KIF26B: variants seen among roughly 807,000 people sequenced by gnomAD.
The protein encoded by KIF26B is kinesin-like protein KIF26B.
Under a neutral mutation model 151.2 loss-of-function variants are expected in KIF26B, and 63 were observed. The observed-to-expected ratio is 0.42, with a 90% confidence interval of 0.34 to 0.51. KIF26B has a LOEUF of 0.51. Among genes scored for constraint, KIF26B ranks in the 20% least tolerant of loss-of-function variants. The pLI, the probability that KIF26B is intolerant of heterozygous loss-of-function variation, is 0.07. For synonymous variants in KIF26B, 1,357 were observed against 1,262.1 expected (o/e 1.08, Z -1.59); for missense variants, 2,813 against 2,913.6 (o/e 0.97, Z 0.79).
chr1:245,517,921 G>A (rs970874348), intron 4 of KIF26B, among the ~76,000 whole-genome samples: 5 of 149,020 alleles, frequency 3.4e-5, no homozygotes, highest in African/African-American at 7.5e-5. Flanking sequence ...CGCGCAGGCC[G>A]GAGTGCAGTG....
intron 2 of KIF26B, among the ~76,000 whole-genome samples, chr1:245,164,155 G>A (rs1335561459): frequency 6.6e-6 from 1 of 152,064 alleles, no homozygotes; most frequent in African/African-American, 2.4e-5. Context: ...GTTTTATTAG[G>A]AATGGGTATT....
At chr1:245,309,376 T>A (rs2102981563) in intron 2 of KIF26B, among the ~76,000 whole-genome samples, 1 of 152,232 alleles carries the variant, frequency 6.6e-6, no homozygotes, top group South Asian at 2.1e-4. Context: ...GGCCTTCCCG[T>A]GAGTCAGATG....
In KIF26B at chr1:245,516,190, T is replaced by C. The variant is rs1660958552; in HGVS notation, c.1167-24577T>C. Among the ~76,000 whole-genome samples the C allele has an allele frequency of 6.6e-6, 1 of 152,220 alleles. No individual in the cohort carries two copies. Among genetic ancestry groups the C allele is most frequent in the Admixed American group, 6.5e-5 (1 of 15,284 alleles). On this transcript the variant is annotated intron_variant, in intron 4 of 14. Coordinates refer to ENST00000407071, the MANE Select transcript of KIF26B (RefSeq NM_018012.4). This position sits in a 1 kb window ranked among gnomAD's most constrained non-coding sequence, Gnocchi z 4.2. Reference sequence around the variant, plus strand: ...TGCAGGCCATATCTGGATTTATCCTTTTTATCAGCAGAATGGTACATTTCC... The same window carrying C: ...TGCAGGCCATATCTGGATTTATCCTCTTTATCAGCAGAATGGTACATTTCC...
intron 4 of KIF26B, among the ~76,000 whole-genome samples, chr1:245,424,778 A>AG (rs113011463): frequency 0.12 from 18,919 of 152,130 alleles, 1,504 homozygotes; most frequent in African/African-American, 0.22. Context: ...TAAAAGAAAA[A>AG]TTGGTCCTTC....
At chr1:245,458,344 C>T (rs1016417564) in intron 4 of KIF26B, among the ~76,000 whole-genome samples, 7 of 152,274 alleles carry the variant, frequency 4.6e-5, no homozygotes, top group African/African-American at 7.2e-5. Flanking sequence ...TCCAACAAAC[C>T]GAAGCAGCCT....
chr1:245,233,428 G>A (rs990783852), intron 2 of KIF26B, among the ~76,000 whole-genome samples: 2 of 152,122 alleles, frequency 1.3e-5, no homozygotes, highest in South Asian at 4.1e-4. Flanking sequence ...TACTCAAAGC[G>A]TGACCTGAGG....
Position 245,684,320 on chromosome 1 carries a change from C to T in KIF26B, c.2346C>T (p.Val782=), listed in dbSNP as rs61831276. The change falls in exon 11 of 15, where the codon GTC becomes GTT. Residue 782 remains valine (V), a synonymous_variant. Coordinates refer to ENST00000407071, the MANE Select transcript of KIF26B (RefSeq NM_018012.4). ...TGATCGCGCACATCTCGGCCGCGGTCGGGAGCTACGCGGAGACCCTGTCCA... is the reference window on the plus strand; with the variant it reads ...TGATCGCGCACATCTCGGCCGCGGTTGGGAGCTACGCGGAGACCCTGTCCA... ...TTMIAHISAA[V]GSYAETLSTI... 0.026 allele frequency: 41,621 copies of T among 1,613,790 alleles called. 825 individuals are homozygous for T. Among genetic ancestry groups the T allele is most frequent in the South Asian group, 0.064 (5,849 of 91,046 alleles).
intron 3 of KIF26B, among the ~76,000 whole-genome samples, chr1:245,403,059 C>T (rs1674045120): frequency 6.6e-6 from 1 of 152,172 alleles, no homozygotes; most frequent in Non-Finnish European, 1.5e-5. Context: ...GCCTTGAACT[C>T]CTGGGCTCAA....
In KIF26B at chr1:245,196,454, G is replaced by A. The variant is rs115172180; in HGVS notation, c.465+39771G>A. 5.6e-3 allele frequency among the ~76,000 whole-genome samples: 859 copies of A among 152,226 alleles called. 8 individuals are homozygous for A. The highest frequency in any genetic ancestry group is 0.018 in the African/African-American group (758 of 41,522). ...CTCAAAGCCCTTCCCTGGCTCTCCTGTTGAATGGTGACCTGGGTGTAAATG... is the reference window on the plus strand; with the variant it reads ...CTCAAAGCCCTTCCCTGGCTCTCCTATTGAATGGTGACCTGGGTGTAAATG... On this transcript the variant is annotated intron_variant, in intron 2 of 14. Transcript: ENST00000407071.
At chr1:245,626,280 G>A (rs1618305) in intron 9 of KIF26B, among the ~76,000 whole-genome samples, 1 of 151,982 alleles carries the variant, frequency 6.6e-6, no homozygotes, top group Non-Finnish European at 1.5e-5. Context: ...GGTAGTTCTC[G>A]TTTTAGTTTT....
rs973630031 is a variant in KIF26B, at chr1:245,560,046, G to A, written c.1350+19096G>A. 2.6e-5 allele frequency among the ~76,000 whole-genome samples: 4 copies of A among 152,208 alleles called. No individual in the cohort carries two copies. The highest frequency in any genetic ancestry group is 4.8e-5 in the African/African-American group (2 of 41,536). On this transcript the variant is annotated intron_variant, in intron 5 of 14. Transcript: ENST00000407071. The surrounding 1 kb of genome is among the most constrained non-coding windows in gnomAD (Gnocchi z 4.3). The stretch of plus-strand genomic sequence containing the variant: ...ATTCGTTTTTTTGGCGTGGAAACAC[G>A]CTGCTCAGTCCTCAGGCCCAGCTCC...
At chr1:245,525,640 A>G (rs1661222469) in intron 4 of KIF26B, among the ~76,000 whole-genome samples, 1 of 152,238 alleles carries the variant, frequency 6.6e-6, no homozygotes, top group African/African-American at 2.4e-5. Context: ...ATTATATAAC[A>G]TGAGTTACAT....
intron 10 of KIF26B, among the ~76,000 whole-genome samples, chr1:245,648,934 C>T (rs1015325810): frequency 6.6e-6 from 1 of 152,186 alleles, no homozygotes; most frequent in African/African-American, 2.4e-5. Context: ...CTGTTGATGG[C>T]GTGGGTACAG....
intron 5 of KIF26B, among the ~76,000 whole-genome samples, chr1:245,556,867 T>C (rs1307010802): frequency 6.6e-6 from 1 of 152,106 alleles, no homozygotes; most frequent in East Asian, 1.9e-4. Context: ...GAAAATGTTT[T>C]GTTTCTGCCT....
chr1:245,279,669 T>C (rs561094935), intron 2 of KIF26B, among the ~76,000 whole-genome samples: 1 of 152,084 alleles, frequency 6.6e-6, no homozygotes, highest in Non-Finnish European at 1.5e-5. Flanking sequence ...GCTTTTTTTT[T>C]ATCTGTATGA....
chr1:245,652,244 C>T (rs1454753862), intron 10 of KIF26B, among the ~76,000 whole-genome samples: 2 of 151,974 alleles, frequency 1.3e-5, no homozygotes, highest in Non-Finnish European at 2.9e-5. Flanking sequence ...GAACTATTTG[C>T]ACAAACTCTA....
chr1:245,551,234 G>A (rs989555522), intron 5 of KIF26B, among the ~76,000 whole-genome samples: 6 of 152,080 alleles, frequency 3.9e-5, no homozygotes, highest in African/African-American at 1.4e-4. Context: ...GTAGAGACAG[G>A]ATTTCTCCAT....
chr1:245,689,636 C>T (rs1050778608), intron 12 of KIF26B, among the ~76,000 whole-genome samples: 2 of 152,336 alleles, frequency 1.3e-5, no homozygotes, highest in African/African-American at 2.4e-5. Context: ...TGCCAAACTG[C>T]AACCTCTGCT....
intron 2 of KIF26B, among the ~76,000 whole-genome samples, chr1:245,250,160 A>G (rs1318498196): frequency 6.6e-6 from 1 of 152,044 alleles, no homozygotes; most frequent in Non-Finnish European, 1.5e-5. Flanking sequence ...TCTTCTTTCC[A>G]TCCTGTTGCA....
Sources: allele counts gnomAD v4.1 joint callset (sites outside exome capture counted in the v4.1 genomes callset), GRCh38; gene constraint gnomAD v4.1.1; non-coding constraint Gnocchi (gnomAD v3.1); transcripts MANE v1.5; gene names NCBI Gene and HGNC (gene_info 2026-07-23, HGNC 2026-07-21).